Variants in PPOX observed in about 807,000 individuals in gnomAD.
The protein encoded by PPOX is variegate porphyria.
A neutral mutation model predicts 54.1 loss-of-function variants in PPOX; 23 were observed. The ratio of observed to expected loss-of-function variants is 0.43; its 90% CI spans 0.31 to 0.60. PPOX has a LOEUF of 0.60. PPOX is among the 20% of genes least tolerant of loss of function. PPOX has a pLI of 0.13. For synonymous variants in PPOX, 224 were observed against 236.1 expected (o/e 0.95, Z 0.47); for missense variants, 512 against 601.1 (o/e 0.85, Z 1.55).
At chr1:161,172,078 A>AG, downstream of PPOX, 1 of 1,614,196 alleles carries the variant, frequency 6.2e-7, no homozygotes, top group Non-Finnish European at 8.5e-7. Context: ...GGTACGGACC[A>AG]GGAGGTCAAA....
chr1:161,169,843 C>T, intron 8 of PPOX, 63 bp from the exon 9 acceptor site: 1 of 1,614,092 alleles, frequency 6.2e-7, no homozygotes, highest in Non-Finnish European at 8.5e-7. Flanking sequence ...GAGTCTAATC[C>T]CAAAGAGGAC....
At chr1:161,166,352 A>C, upstream of PPOX, 1 of 1,048,044 alleles carries the variant, frequency 9.5e-7, no homozygotes. Context: ...GGTGAACGTG[A>C]TCCGGGGCCT....
At chr1:161,170,156 C>T in intron 9 of PPOX, 132 bp downstream of exon 9, 2 of 1,190,524 alleles carry the variant, frequency 1.7e-6, no homozygotes, top group East Asian at 2.6e-5. Context: ...GAAACCCCAT[C>T]TCTACGAAAA....
intron 4 of PPOX, chr1:161,176,797 C>T: frequency 2.0e-6 from 3 of 1,471,618 alleles, no homozygotes; most frequent in East Asian, 2.5e-5. Context: ...CCCAACAGGA[C>T]AGATTGGGGA....
chr1:161,176,087 AGG>A, downstream of PPOX: 1 of 1,611,250 alleles, frequency 6.2e-7, no homozygotes, highest in Non-Finnish European at 8.5e-7. Flanking sequence ...AGGGAGGGAG[AGG>A]GGAATTCTGG....
intron 4 of PPOX, 48 bp downstream of exon 4, chr1:161,167,534 G>A: frequency 6.9e-7 from 1 of 1,440,240 alleles, no homozygotes; most frequent in Non-Finnish European, 9.6e-7. Context: ...ATCCTCATAT[G>A]CCTTCCATTT....
downstream of PPOX, chr1:161,172,054 G>A (rs372601868): frequency 1.5e-5 from 25 of 1,614,154 alleles, no homozygotes; most frequent in East Asian, 2.2e-4. Flanking sequence ...CCCATCTTGC[G>A]TCCAGGAATT....
downstream of PPOX, among the ~76,000 whole-genome samples, chr1:161,174,409 AAAAAAAAAG>A (rs1025219187): frequency 2.6e-5 from 4 of 152,050 alleles, no homozygotes; most frequent in Non-Finnish European, 2.9e-5. Context: ...TCTCAAAAAA[AAAAAAAAAG>A]AAAAAAAAGA....
At chr1:161,176,425 T>G (rs1011152865) in intron 4 of PPOX, 3 of 388,776 alleles carry the variant, frequency 7.7e-6, no homozygotes, top group Middle Eastern at 7.3e-4. Flanking sequence ...AGGGAAGAGA[T>G]AGACTCACCT....
In PPOX at chr1:161,169,127, G is replaced by A. The variant is rs1393144931; in HGVS notation, c.751G>A (p.Val251Ile). 4 of 1,614,100 alleles carry A rather than the reference G, an allele frequency of 2.5e-6. No individual in the cohort carries two copies. The East Asian group carries it at 8.9e-5, about 36-fold the overall frequency. Residue 251 changes from valine to isoleucine, a missense_variant, in exon 7 of 13, where the codon GTT becomes ATT. Physicochemically the swap from Val to Ile is conservative, Grantham distance 29. Transcript: ENST00000367999. The stretch of plus-strand genomic sequence containing the variant: ...CCACCTGACTAGTAGGGGGGTCAGT[G>A]TTCTCAGAGGCCAGCCGGTCTGTGG... The part of the protein sequence containing the change: ...ETHLTSRGVS[V>I]LRGQPVCGLS...
downstream of PPOX, among the ~76,000 whole-genome samples, chr1:161,172,966 A>G (rs560777571): frequency 6.6e-6 from 1 of 152,332 alleles, no homozygotes; most frequent in Admixed American, 6.5e-5. Flanking sequence ...ACACAGAAGC[A>G]TGGAGTGCAG....
chr1:161,168,499 T>C lies in PPOX; in HGVS notation c.539T>C (p.Ile180Thr), dbSNP rs1247264282. 1 of 1,614,020 alleles carries C rather than the reference T, an allele frequency of 6.2e-7. No individual in the cohort carries two copies. The highest frequency in any genetic ancestry group is 8.5e-7 in the Non-Finnish European group (1 of 1,180,018). The change falls in exon 6 of 13, where the codon ATC (isoleucine) becomes ACC (threonine). Residue 180 changes from isoleucine to threonine, a missense_variant. Transcript: ENST00000367999. ...VFAGNSRELS[I>T]RSCFPSLFQA... is the part of the protein sequence containing the mutation. ...GCAGGCAACAGCCGTGAGCTCAGCA[T>C]CAGGTCCTGCTTTCCCAGTCTCTTC...
chr1:161,174,079 T>C (rs1306132310), downstream of PPOX: 33 of 1,601,492 alleles, frequency 2.1e-5, no homozygotes, highest in Non-Finnish European at 2.6e-5. Flanking sequence ...AACCAGACTA[T>C]GTCTGTAGGT....
At chr1:161,174,174 A>G, downstream of PPOX, 5 of 984,038 alleles carry the variant, frequency 5.1e-6, no homozygotes, top group East Asian at 5.1e-5. Flanking sequence ...TTGGGAGGCC[A>G]AGGCAGGCAG....
chr1:161,172,970 A>C (rs140720056), downstream of PPOX, among the ~76,000 whole-genome samples: 1 of 152,316 alleles, frequency 6.6e-6, no homozygotes, highest in East Asian at 1.9e-4. Flanking sequence ...AGAAGCATGG[A>C]GTGCAGATGG....
At chr1:161,167,598 G>C in intron 4 of PPOX, 112 bp downstream of exon 4, 1 of 1,285,504 alleles carries the variant, frequency 7.8e-7, no homozygotes, top group Non-Finnish European at 1.0e-6. Flanking sequence ...ACGGAGTATC[G>C]CTCTCGCCCA....
In PPOX at chr1:161,167,790, C is replaced by G. The variant is rs923797482; in HGVS notation, c.339-205C>G. ...ATATTGGCCAGGCTGGTCTTGAACT[C>G]CTGACCTTGTGATCCGCCCGCCTCG... On this transcript the variant is annotated intron_variant, in intron 4 of 12. Coordinates refer to ENST00000367999, the MANE Select transcript of PPOX (RefSeq NM_001122764.3). 28 of 827,690 alleles carry G rather than the reference C, an allele frequency of 3.4e-5. 1 individual carries two copies. The Admixed American group carries it at 6.7e-4, about 20-fold the overall frequency. The allele number at this position is 827,690 out of a possible 1,614,324, so 51.3% of individuals were successfully genotyped here.
chr1:161,168,148 C>T, intron 5 of PPOX, 21 bp downstream of exon 5: 1 of 1,614,140 alleles, frequency 6.2e-7, no homozygotes. Context: ...CCCAGAGGCC[C>T]CAAACCTCTT....
At chr1:161,176,185 A>C, downstream of PPOX, 1 of 1,242,456 alleles carries the variant, frequency 8.0e-7, no homozygotes. Context: ...AAAAGCAGAA[A>C]ACAAAGTCAC....
Sources: gnomAD v4.1 joint callset for allele counts (sites outside exome capture counted in the v4.1 genomes callset) on GRCh38, gnomAD v4.1.1 for gene constraint, MANE v1.5 for transcripts, NCBI Gene and HGNC (gene_info 2026-07-23, HGNC 2026-07-21) for gene names.